HOMER2: variants seen among roughly 807,000 people sequenced by gnomAD.
HOMER2 encodes the protein homer protein homolog 2.
HOMER2 carries 27 observed loss-of-function variants against 47.0 expected under a neutral mutation model. The ratio of observed to expected loss-of-function variants is 0.57; its 90% CI spans 0.42 to 0.79. The LOEUF is 0.79. HOMER2 is among the 30% of genes least tolerant of loss of function. HOMER2 has a pLI of 0.00. For synonymous variants in HOMER2, 161 were observed against 163.8 expected (o/e 0.98, Z 0.13); for missense variants, 443 against 435.0 (o/e 1.02, Z -0.16).
intron 1 of HOMER2, among the ~76,000 whole-genome samples, chr15:82,928,619 G>A (rs1283425899): frequency 6.6e-6 from 1 of 152,060 alleles, no homozygotes; most frequent in East Asian, 1.9e-4. Context: ...AGCTGCATTC[G>A]TTATTCACTA....
chr15:82,946,700 AAAACAAAAAC>A (rs1311346490), intron 1 of HOMER2, among the ~76,000 whole-genome samples: 1 of 152,182 alleles, frequency 6.6e-6, no homozygotes, highest in African/African-American at 2.4e-5. Flanking sequence ...TTTTATTAAA[AAAACAAAAAC>A]AAAGAAAGTC....
chr15:82,847,960 C>T (rs1347144901), downstream of HOMER2, among the ~76,000 whole-genome samples: 1 of 152,218 alleles, frequency 6.6e-6, no homozygotes, highest in Non-Finnish European at 1.5e-5. Context: ...CAGCAGCAGA[C>T]TACCCCGAAT....
At chr15:82,952,136 T>C (rs2054519041) in intron 1 of HOMER2, 4 of 742,740 alleles carry the variant, frequency 5.4e-6, no homozygotes, top group African/African-American at 1.9e-5. Flanking sequence ...ATTTTGCTTG[T>C]AATAAATCCA....
At chr15:82,964,786 AC>A (rs1431797189) in intron 1 of HOMER2, among the ~76,000 whole-genome samples, 1 of 152,114 alleles carries the variant, frequency 6.6e-6, no homozygotes, top group Non-Finnish European at 1.5e-5. Flanking sequence ...ACAAAACAAA[AC>A]AAAACAAAAT....
intron 2 of HOMER2, 83 bp from the exon 3 acceptor site, chr15:82,875,487 G>C: frequency 6.9e-7 from 1 of 1,441,108 alleles, no homozygotes. Flanking sequence ...TATTGGCAAA[G>C]CCAGTGCTTC....
At chr15:82,969,460 T>C (rs545913325) in intron 1 of HOMER2, among the ~76,000 whole-genome samples, 384 of 152,278 alleles carry the variant, frequency 2.5e-3, no homozygotes, top group Non-Finnish European at 3.2e-3. Context: ...AGACATCACT[T>C]CTGTTCATAA....
At chr15:82,834,996 G>A (rs553439289), downstream of HOMER2, 183 of 152,282 alleles carry the variant, frequency 1.2e-3, no homozygotes, top group African/African-American at 4.3e-3. Context: ...CTCAGACTGC[G>A]AGCATCCCTA....
chr15:82,856,265 T>A (rs2051582632), intron 5 of HOMER2, among the ~76,000 whole-genome samples: 1 of 152,212 alleles, frequency 6.6e-6, no homozygotes, highest in Non-Finnish European at 1.5e-5. Context: ...AAAACATTTA[T>A]TTTTAGGGGT....
At chr15:82,934,659 C>G (rs905478954) in intron 1 of HOMER2, among the ~76,000 whole-genome samples, 19 of 152,262 alleles carry the variant, frequency 1.2e-4, no homozygotes, top group African/African-American at 4.3e-4. Context: ...GTGGATCCTG[C>G]CCCCCTGCCT....
intron 1 of HOMER2, among the ~76,000 whole-genome samples, chr15:82,932,543 G>A (rs1201247327): frequency 1.3e-5 from 2 of 151,732 alleles, no homozygotes; most frequent in East Asian, 1.9e-4. Flanking sequence ...CTGGGGAAGA[G>A]CTACCCACCA....
rs1192856304 is a variant in HOMER2 at position 82,875,315 on chromosome 15, T to C, written c.252A>G (p.Thr84=). The C allele has an allele frequency of 6.2e-7, 1 of 1,613,814 alleles. No homozygotes were observed. Among genetic ancestry groups the C allele is most frequent in the Admixed American group, 1.7e-5 (1 of 60,004 alleles). ...CAGAGGAAAACCCCAAACCAAACAC[T>C]GTGTTGGCTCTGCTGTCGGCCCACT... ...FGQWADSRAN[T]VFGLGFSSEQ... The change falls in exon 3 of 9, where the codon ACA becomes ACG. Residue 84 remains threonine (T), a synonymous_variant. Transcript: ENST00000450735.
intron 2 of HOMER2, 57 bp from the exon 3 acceptor site, chr15:82,875,461 T>G: frequency 8.2e-6 from 13 of 1,588,492 alleles, no homozygotes; most frequent in Non-Finnish European, 1.1e-5. Context: ...ACAAAGTCAT[T>G]CCTTAGAAAG....
chr15:82,907,426 AG>A, intron 1 of HOMER2, among the ~76,000 whole-genome samples: 1 of 149,866 alleles, frequency 6.7e-6, no homozygotes, highest in African/African-American at 2.5e-5. Context: ...AGAAAGAAAG[AG>A]AAGGAAAGAA....
chr15:82,856,679 C>T (rs2051598315), intron 5 of HOMER2, among the ~76,000 whole-genome samples: 1 of 152,164 alleles, frequency 6.6e-6, no homozygotes, highest in Non-Finnish European at 1.5e-5. Context: ...AGAAAAGAGA[C>T]TGGTCACAGT....
intron 1 of HOMER2, among the ~76,000 whole-genome samples, chr15:82,931,627 A>G (rs989380792): frequency 1.3e-5 from 2 of 151,820 alleles, no homozygotes; most frequent in Non-Finnish European, 2.9e-5. Context: ...TCACGAGGTC[A>G]GGAGATCGAG....
In HOMER2 at chr15:82,852,438, G is replaced by A. The variant is rs1179805078; in HGVS notation, c.652-186C>T. 1.3e-5 allele frequency: 7 copies of A among 545,266 alleles called. No homozygotes were observed. The East Asian group carries it at 2.0e-4, about 16-fold the overall frequency. The allele number at this position is 545,266 out of a possible 1,614,324, so 33.8% of individuals were successfully genotyped here. A position where few individuals can be genotyped will look rare whatever the true frequency, so the allele number is the denominator to read the frequency against. The stretch of plus-strand genomic sequence containing the variant: ...CATCATGGGGCTGCCTGCACCGCTT[G>A]CATGGGACCTGCTTTGCACATGATG... On this transcript the variant is annotated intron_variant, in intron 6 of 8. Transcript: ENST00000450735.
intron 5 of HOMER2, among the ~76,000 whole-genome samples, chr15:82,858,117 A>G (rs1302604864): frequency 6.6e-6 from 1 of 152,188 alleles, no homozygotes; most frequent in Non-Finnish European, 1.5e-5. Context: ...TAGATCTTGT[A>G]TATTTAAGTT....
At chr15:82,867,180 T>A (rs570834786) in intron 3 of HOMER2, among the ~76,000 whole-genome samples, 2 of 151,528 alleles carry the variant, frequency 1.3e-5, no homozygotes, top group Non-Finnish European at 2.9e-5. Context: ...AAAAAGAAAA[T>A]CAAACTTTAA....
At chr15:82,903,258 T>C (rs2053183181) in intron 1 of HOMER2, among the ~76,000 whole-genome samples, 1 of 152,050 alleles carries the variant, frequency 6.6e-6, no homozygotes, top group Non-Finnish European at 1.5e-5. Flanking sequence ...CAAAATGGCG[T>C]CGGGAGCATT....
Sources: allele counts gnomAD v4.1 joint callset (sites outside exome capture counted in the v4.1 genomes callset), GRCh38; gene constraint gnomAD v4.1.1; transcripts MANE v1.5; gene names NCBI Gene and HGNC (gene_info 2026-07-23, HGNC 2026-07-21).